Variants in DYNC2H1 observed in about 807,000 individuals in gnomAD.
DYNC2H1 encodes dynein cytoplasmic 2 heavy chain 1.
Under a neutral mutation model 570.0 loss-of-function variants are expected in DYNC2H1, and 410 were observed. The observed-to-expected ratio is 0.72, with a 90% CI of 0.66 to 0.78. The LOEUF is 0.78. Ranked by LOEUF, DYNC2H1 falls within the 30% of genes least tolerant of loss-of-function variation. DYNC2H1 has a pLI of 0.00. For missense variants in DYNC2H1, 4,865 were observed against 5,046.4 expected, an observed-to-expected ratio of 0.96 and a Z score of 1.09; for synonymous variants, 1,688 against 1,677.6, an observed-to-expected ratio of 1.01 and a Z score of -0.15.
At chr11:103,372,321 T>A (rs1941199050) in intron 83 of DYNC2H1, among the ~76,000 whole-genome samples, 1 of 152,148 alleles carries the variant, frequency 6.6e-6, no homozygotes, top group African/African-American at 2.4e-5. Context: ...GCCCAGCCTT[T>A]ATCTCGTTCT....
intron 80 of DYNC2H1, among the ~76,000 whole-genome samples, chr11:103,317,902 T>G (rs1350985573): frequency 1.3e-5 from 2 of 152,176 alleles, no homozygotes; most frequent in African/African-American, 4.8e-5. Flanking sequence ...TATTTTCTTA[T>G]TTTGTTTCTC....
intron 24 of DYNC2H1, 26 bp from the exon 25 acceptor site, chr11:103,155,305 C>A (rs773423797): frequency 1.6e-5 from 24 of 1,490,160 alleles, no homozygotes; most frequent in Non-Finnish European, 2.1e-5. Context: ...ATACATATGA[C>A]TTTTTCTTTT....
In DYNC2H1 at chr11:103,358,160, T is replaced by C. The variant is rs936082210; in HGVS notation, c.12040-83T>C. On this transcript the variant is annotated intron_variant, in intron 82 of 88. Transcript: ENST00000375735. ...TGGTCTCTATTTTTATAAAACAAAA[T>C]GTCTGTTTTTGTACCTATGTTCTTT... 3 of 699,688 alleles carry C rather than the reference T, an allele frequency of 4.3e-6. No homozygotes were observed. In the African/African-American group the frequency reaches 5.4e-5, roughly 12 times the overall value. The allele number at this position is 699,688 out of a possible 1,614,324, so 43.3% of individuals were successfully genotyped here.
chr11:103,159,889 G>T (rs750861097), intron 28 of DYNC2H1, among the ~76,000 whole-genome samples: 50 of 152,042 alleles, frequency 3.3e-4, no homozygotes, highest in Admixed American at 7.9e-4. Flanking sequence ...ACATAATCCT[G>T]CACGGTAGTT....
rs1223659522 is a variant in DYNC2H1 at position 103,203,136 on chromosome 11, A to G, written c.8198-527A>G. Among the ~76,000 whole-genome samples, 1 of 152,228 alleles carries G rather than the reference A, an allele frequency of 6.6e-6. No individual in the cohort carries two copies. The highest frequency in any genetic ancestry group is 1.5e-5 in the Non-Finnish European group (1 of 68,024). On this transcript the variant is annotated intron_variant, in intron 50 of 88. Transcript: ENST00000375735. The surrounding 1 kb of genome is among the most constrained non-coding windows in gnomAD (Gnocchi z 4.7). ...AGAAATTTAAAGTCTAATTGGAGAT[A>G]AGAAGGAAGTAATTCATTATTAAAT...
At position 103,188,714 on chromosome 11, in the gene DYNC2H1, A is replaced by T. The variant is rs950092777; in HGVS notation, c.7292+66A>T. On this transcript the variant is annotated intron_variant, in intron 44 of 88. Coordinates refer to ENST00000375735, the MANE Select transcript of DYNC2H1 (RefSeq NM_001377.3). ...TATCATATATAAATGAATTTTATTT[A>T]AAGTATTTATGATAATACTTTAAAA... 4 of 1,258,374 alleles carry T rather than the reference A, an allele frequency of 3.2e-6. No individual in the cohort carries two copies. In the East Asian group the frequency reaches 1.1e-4, roughly 35 times the overall value. The allele number at this position is 1,258,374 out of a possible 1,614,324, so 78.0% of individuals were successfully genotyped here.
chr11:103,359,057 T>G (rs1174909043), intron 83 of DYNC2H1, among the ~76,000 whole-genome samples: 1 of 152,220 alleles, frequency 6.6e-6, no homozygotes, highest in Non-Finnish European at 1.5e-5. Context: ...CTTGTTTGAC[T>G]CAATTTCCAG....
chr11:103,237,761 C>A (rs570119644), intron 63 of DYNC2H1, among the ~76,000 whole-genome samples: 3 of 150,600 alleles, frequency 2.0e-5, no homozygotes, highest in South Asian at 2.1e-4. Flanking sequence ...TTTAAGAATT[C>A]TTTTTTATTC....
chr11:103,217,894 A>C (rs1863443746), intron 55 of DYNC2H1, among the ~76,000 whole-genome samples: 1 of 152,214 alleles, frequency 6.6e-6, no homozygotes, highest in Non-Finnish European at 1.5e-5. Flanking sequence ...CCAGTTTAAC[A>C]TGAACAAAAG....
intron 55 of DYNC2H1, among the ~76,000 whole-genome samples, chr11:103,217,676 A>C (rs1591426043): frequency 6.6e-6 from 1 of 152,308 alleles, no homozygotes; most frequent in Non-Finnish European, 1.5e-5. Flanking sequence ...GGTGAGGCAA[A>C]GACTTGTTTG....
intron 3 of DYNC2H1, among the ~76,000 whole-genome samples, chr11:103,114,893 T>G (rs1238900168): frequency 3.3e-5 from 5 of 152,128 alleles, no homozygotes; most frequent in Non-Finnish European, 7.4e-5. Flanking sequence ...TTCTTGTGCT[T>G]TGGAACACTA....
At chr11:103,397,123 TAGAGACAGAATG>T (rs1489390483) in intron 83 of DYNC2H1, among the ~76,000 whole-genome samples, 1 of 151,998 alleles carries the variant, frequency 6.6e-6, no homozygotes, top group East Asian at 1.9e-4. Flanking sequence ...TAAAAATAAA[TAGAGACAGAATG>T]AGAGAAAGAA....
chr11:103,226,105 CTTT>C (rs1863791650), intron 59 of DYNC2H1, among the ~76,000 whole-genome samples: 3 of 152,150 alleles, frequency 2.0e-5, no homozygotes, highest in Admixed American at 2.0e-4. Flanking sequence ...GTTCTAGGAG[CTTT>C]TTGGATGAGT....
At chr11:103,294,646 A>G (rs1185498223) in intron 75 of DYNC2H1, among the ~76,000 whole-genome samples, 1 of 152,186 alleles carries the variant, frequency 6.6e-6, no homozygotes, top group Non-Finnish European at 1.5e-5. Flanking sequence ...TGACCACCGC[A>G]GCTGGCACCA....
Position 103,209,796 on chromosome 11 carries a change from G to A in DYNC2H1, c.8455-80G>A. On this transcript the variant is annotated intron_variant, in intron 52 of 88. Coordinates refer to ENST00000375735, the MANE Select transcript of DYNC2H1 (RefSeq NM_001377.3). This position sits in a 1 kb window ranked among gnomAD's most constrained non-coding sequence, Gnocchi z 4.2. ...CTAGAAGAAAAGTACAATCAATACT[G>A]ACTTTTTTTGTATTAAAGGTTTTTA... The A allele has an allele frequency of 9.0e-7, 1 of 1,114,840 alleles. No homozygotes were observed. Among genetic ancestry groups the A allele is most frequent in the East Asian group, 3.4e-5 (1 of 29,462 alleles). The allele number at this position is 1,114,840 out of a possible 1,614,324, so 69.1% of individuals were successfully genotyped here. A position where few individuals can be genotyped will look rare whatever the true frequency, so the allele number is the denominator to read the frequency against.
At chr11:103,306,382 T>C (rs745488071) in intron 77 of DYNC2H1, among the ~76,000 whole-genome samples, 32 of 152,310 alleles carry the variant, frequency 2.1e-4, no homozygotes, top group Admixed American at 5.9e-4. Flanking sequence ...CATAATATTA[T>C]ATAATTTTTA....
intron 80 of DYNC2H1, among the ~76,000 whole-genome samples, chr11:103,318,736 T>C (rs1591570961): frequency 9.4e-6 from 1 of 106,048 alleles, no homozygotes; most frequent in Admixed American, 1.2e-4. Context: ...TAAAAGATTT[T>C]TTAAAATTCT....
intron 39 of DYNC2H1, among the ~76,000 whole-genome samples, chr11:103,179,938 A>AT (rs919738740): frequency 6.6e-6 from 1 of 151,378 alleles, no homozygotes; most frequent in Non-Finnish European, 1.5e-5. Flanking sequence ...GTAGCATTTT[A>AT]TTTTTTTTAG....
chr11:103,345,601 C>T (rs569908238), intron 82 of DYNC2H1, among the ~76,000 whole-genome samples: 1 of 152,188 alleles, frequency 6.6e-6, no homozygotes, highest in African/African-American at 2.4e-5. Context: ...TGTTCTTCAG[C>T]CACTCCTGCT....
Sources: gnomAD v4.1 joint callset for allele counts (sites outside exome capture counted in the v4.1 genomes callset) on GRCh38, gnomAD v4.1.1 for gene constraint, Gnocchi (gnomAD v3.1) non-coding constraint, MANE v1.5 for transcripts, NCBI Gene and HGNC (gene_info 2026-07-23, HGNC 2026-07-21) for gene names.